SAMD12: variants seen among roughly 807,000 people sequenced by gnomAD.
The protein encoded by SAMD12 is sterile alpha motif domain containing 12, also known as sterile alpha motif domain-containing protein 12.
SAMD12 carries 9 observed loss-of-function variants against 15.0 expected under a neutral mutation model. That is an observed-to-expected ratio of 0.60 (90% CI 0.36 to 1.05). The LOEUF (loss-of-function observed/expected upper bound fraction) is 1.05, where lower values mean the gene tolerates loss of function less well. Ranked by LOEUF, SAMD12 falls within the 50% of genes least tolerant of loss-of-function variation. The pLI is 0.01. For missense variants in SAMD12, 230 were observed against 234.2 expected, an observed-to-expected ratio of 0.98 and a Z score of 0.12; for synonymous variants, 86 against 90.1, an observed-to-expected ratio of 0.96 and a Z score of 0.25.
chr8:118,362,024 T>A (rs1818524507), intron 4 of SAMD12, among the ~76,000 whole-genome samples: 2 of 151,988 alleles, frequency 1.3e-5, no homozygotes, highest in Non-Finnish European at 2.9e-5. Flanking sequence ...CAGAAATTGG[T>A]TCTTAATAAA....
intron 3 of SAMD12, among the ~76,000 whole-genome samples, chr8:118,427,521 T>C (rs1822268225): frequency 1.3e-5 from 2 of 152,140 alleles, no homozygotes; most frequent in African/African-American, 4.8e-5. Context: ...ATCTTGCAAG[T>C]TCTAGAATTT....
At chr8:118,214,823 G>C (rs1205499849) in intron 4 of SAMD12, among the ~76,000 whole-genome samples, 8 of 152,188 alleles carry the variant, frequency 5.3e-5, no homozygotes, top group Non-Finnish European at 2.9e-5. Flanking sequence ...ACAGAAATCA[G>C]TGGCTTAGGA....
At chr8:118,474,692 A>G (rs1823904227) in intron 2 of SAMD12, among the ~76,000 whole-genome samples, 1 of 123,486 alleles carries the variant, frequency 8.1e-6, no homozygotes, top group African/African-American at 2.5e-5. Flanking sequence ...CAGCTTTAAA[A>G]CAATGTTTTA....
rs560172114 is a variant in SAMD12, at chr8:118,505,969, C to T, written c.193-66008G>A. Among the ~76,000 whole-genome samples the T allele has an allele frequency of 5.3e-5, 8 of 152,216 alleles. No individual in the cohort carries two copies. In the South Asian group the frequency reaches 1.7e-3, roughly 32 times the overall value. On this transcript the variant is annotated intron_variant, in intron 2 of 3. Transcript: ENST00000314727. ...TGGACATAATATCATCCATTATCAT[C>T]CCAGTCTGATTATCATCCCTACAAT...
chr8:118,513,039 T>C (rs1037388776), intron 2 of SAMD12, among the ~76,000 whole-genome samples: 1 of 152,184 alleles, frequency 6.6e-6, no homozygotes. Flanking sequence ...TTATGTCATA[T>C]GTGTATCTTT....
chr8:118,594,572 GTAA>G (rs1272224446), intron 1 of SAMD12, among the ~76,000 whole-genome samples: 2 of 152,038 alleles, frequency 1.3e-5, no homozygotes, highest in African/African-American at 2.4e-5. Flanking sequence ...TGTGGAGAAA[GTAA>G]TAATAAGAGG....
chr8:118,216,195 T>A (rs1811956368), intron 4 of SAMD12, among the ~76,000 whole-genome samples: 1 of 150,586 alleles, frequency 6.6e-6, no homozygotes, highest in Non-Finnish European at 1.5e-5. Context: ...TGGTTTTGAT[T>A]TGCATTTCTC....
intron 3 of SAMD12, among the ~76,000 whole-genome samples, chr8:118,400,784 C>G (rs777954015): frequency 3.9e-5 from 6 of 152,072 alleles, no homozygotes; most frequent in African/African-American, 1.2e-4. Context: ...TACCCTCACA[C>G]GCCAGGAGAC....
At chr8:118,481,738 GA>G (rs5894438) in intron 2 of SAMD12, among the ~76,000 whole-genome samples, 43,123 of 146,436 alleles carry the variant, frequency 0.29, 6,390 homozygotes, top group East Asian at 0.41. Flanking sequence ...TTACCTAAAT[GA>G]AAAAAAAAAA....
chr8:118,373,711 C>A (rs963850643), downstream of SAMD12, among the ~76,000 whole-genome samples: 6 of 152,090 alleles, frequency 3.9e-5, no homozygotes, highest in Admixed American at 2.0e-4. Flanking sequence ...ATTATGAAGG[C>A]ATATGAGGAT....
At chr8:118,261,300 C>T (rs1280646515) in intron 4 of SAMD12, among the ~76,000 whole-genome samples, 1 of 152,084 alleles carries the variant, frequency 6.6e-6, no homozygotes, top group Non-Finnish European at 1.5e-5. Flanking sequence ...TCCAACAATT[C>T]TTCTCCTGAA....
At chr8:118,429,055 C>A (rs898940031) in intron 3 of SAMD12, among the ~76,000 whole-genome samples, 1 of 152,138 alleles carries the variant, frequency 6.6e-6, no homozygotes, top group South Asian at 2.1e-4. Context: ...AACATTGAGT[C>A]TTCTAATCCA....
At chr8:118,535,277 G>A (rs1825806767) in intron 2 of SAMD12, among the ~76,000 whole-genome samples, 1 of 152,206 alleles carries the variant, frequency 6.6e-6, no homozygotes, top group Admixed American at 6.5e-5. Context: ...CTGCAGAATG[G>A]CAAATGTTGC....
intron 2 of SAMD12, among the ~76,000 whole-genome samples, chr8:118,550,136 C>T (rs200819315): frequency 1.2e-3 from 190 of 152,164 alleles, no homozygotes; most frequent in African/African-American, 4.5e-3. Flanking sequence ...TTCCCCAACC[C>T]AGCAAGGCAG....
At chr8:118,339,994 T>C (rs1328581034) in intron 4 of SAMD12, among the ~76,000 whole-genome samples, 1 of 152,258 alleles carries the variant, frequency 6.6e-6, no homozygotes, top group Non-Finnish European at 1.5e-5. Context: ...AGGGCAGGGA[T>C]CGTGTCTCAT....
chr8:118,287,126 T>TTTG (rs1432149912), intron 4 of SAMD12, among the ~76,000 whole-genome samples: 47 of 106,928 alleles, frequency 4.4e-4, no homozygotes, highest in South Asian at 3.4e-3. Context: ...AAGAATATTT[T>TTTG]TTTTTTTTTT....
chr8:118,585,986 C>T (rs1178358369), intron 1 of SAMD12, among the ~76,000 whole-genome samples: 1 of 152,200 alleles, frequency 6.6e-6, no homozygotes, highest in East Asian at 1.9e-4. Context: ...TCCACCCACA[C>T]CACTCTCTGT....
At chr8:118,311,028 A>G (rs1016491463) in intron 4 of SAMD12, among the ~76,000 whole-genome samples, 5 of 152,210 alleles carry the variant, frequency 3.3e-5, no homozygotes, top group Non-Finnish European at 4.4e-5. Context: ...GTTCTCTGTT[A>G]CCTCATTAAT....
intron 2 of SAMD12, among the ~76,000 whole-genome samples, chr8:118,465,767 A>G (rs1188957453): frequency 6.6e-6 from 1 of 152,182 alleles, no homozygotes; most frequent in Non-Finnish European, 1.5e-5. Context: ...TATTCCATGC[A>G]TATGATAACC....
Sources: allele counts gnomAD v4.1 joint callset (sites outside exome capture counted in the v4.1 genomes callset), GRCh38; gene constraint gnomAD v4.1.1; transcripts MANE v1.5; gene names NCBI Gene and HGNC (gene_info 2026-07-23, HGNC 2026-07-21).